DNAH1: variants seen among roughly 807,000 people sequenced by gnomAD.
DNAH1 encodes the protein axonemal beta dynein heavy chain 1.
A neutral mutation model predicts 484.3 loss-of-function variants in DNAH1; 327 were observed. The observed-to-expected ratio is 0.68, with a 90% CI of 0.62 to 0.74. The LOEUF (loss-of-function observed/expected upper bound fraction) is 0.74, where lower values mean the gene tolerates loss of function less well. Among genes scored for constraint, DNAH1 ranks in the 30% least tolerant of loss-of-function variants. The pLI is 0.00. For missense variants in DNAH1, 5,052 were observed against 5,546.8 expected (o/e 0.91, Z 2.83); for synonymous variants, 2,192 against 2,191.9 (o/e 1.00, Z 0.00).
chr3:52,329,540 C>A (rs934944590), intron 6 of DNAH1, among the ~76,000 whole-genome samples: 7 of 152,010 alleles, frequency 4.6e-5, no homozygotes, highest in African/African-American at 9.7e-5. Context: ...ACAAAAAAAA[C>A]CAGGGGGCCA....
chr3:52,360,138 A>G, intron 27 of DNAH1, 59 bp downstream of exon 27: 2 of 1,608,516 alleles, frequency 1.2e-6, no homozygotes, highest in Non-Finnish European at 1.7e-6. Flanking sequence ...GGCAGGGGAA[A>G]AGAGAAAAGT....
Position 52,380,581 on chromosome 3 carries a change from G to A in DNAH1, c.7608+446G>A, listed in dbSNP as rs140271499. ...CAGGGTCACAGGGTCAGCACACCCT[G>A]GTAAGCCCCAGAAGGAGCAGGCAGG... On this transcript the variant is annotated intron_variant, in intron 48 of 77. Transcript: ENST00000420323. Among the ~76,000 whole-genome samples, 349 of 152,322 alleles carry A rather than the reference G, an allele frequency of 2.3e-3. 1 individual carries two copies. The highest frequency in any genetic ancestry group is 7.4e-3 in the African/African-American group (307 of 41,562).
At chr3:52,349,514 C>A in intron 14 of DNAH1, 94 bp downstream of exon 14, 1 of 1,249,728 alleles carries the variant, frequency 8.0e-7, no homozygotes, top group Non-Finnish European at 1.1e-6. Context: ...TGTCCCCAAG[C>A]AGGGTCTGGG....
upstream of DNAH1, among the ~76,000 whole-genome samples, chr3:52,311,659 C>T (rs1700761863): frequency 6.6e-6 from 1 of 152,216 alleles, no homozygotes; most frequent in African/African-American, 2.4e-5. Flanking sequence ...GCCCCCTTCC[C>T]TCCACCCAGC....
intron 14 of DNAH1, 78 bp downstream of exon 14, chr3:52,349,498 G>A (rs565313904): frequency 2.9e-6 from 4 of 1,368,466 alleles, no homozygotes; most frequent in Non-Finnish European, 4.1e-6. Flanking sequence ...CACATACATG[G>A]CAAGATGTCC....
intron 7 of DNAH1, 109 bp from the exon 8 acceptor site, chr3:52,332,033 C>T (rs1578084791): frequency 7.2e-7 from 1 of 1,384,736 alleles, no homozygotes; most frequent in East Asian, 2.5e-5. Context: ...AAGAGGGAAA[C>T]AATTTGTTCA....
At chr3:52,369,403 G>A (rs141103882) in intron 37 of DNAH1, among the ~76,000 whole-genome samples, 18 of 152,128 alleles carry the variant, frequency 1.2e-4, no homozygotes, top group African/African-American at 3.9e-4. Context: ...GATATGGCCT[G>A]GGCACAAGAG....
At chr3:52,311,202 G>A in the DNAH1 span, among the ~76,000 whole-genome samples, 6 of 152,328 alleles carry the variant, frequency 3.9e-5, no homozygotes, top group East Asian at 1.2e-3. Flanking sequence ...AAACAACTGT[G>A]AGGCTCAGTT....
intron 25 of DNAH1, 103 bp from the exon 26 acceptor site, chr3:52,359,143 C>A: frequency 6.8e-7 from 1 of 1,480,892 alleles, no homozygotes; most frequent in Non-Finnish European, 9.0e-7. Flanking sequence ...ACAACTGGAG[C>A]CAAGTCTGAA....
chr3:52,352,295 C>G (rs764153574), intron 17 of DNAH1, among the ~76,000 whole-genome samples, 192 bp downstream of exon 17: 1 of 152,152 alleles, frequency 6.6e-6, no homozygotes, highest in Non-Finnish European at 1.5e-5. Context: ...GCAGCAAGCT[C>G]CAGAAAGATT....
At chr3:52,371,865 C>T (rs1703353621) in intron 41 of DNAH1, 81 bp from the exon 42 acceptor site, 3 of 1,565,932 alleles carry the variant, frequency 1.9e-6, no homozygotes, top group East Asian at 4.5e-5. Context: ...CCTGGCCCTT[C>T]TGCACTTGGC....
chr3:52,360,819 T>C (rs1007697398), intron 28 of DNAH1, among the ~76,000 whole-genome samples: 1 of 152,200 alleles, frequency 6.6e-6, no homozygotes, highest in Non-Finnish European at 1.5e-5. Flanking sequence ...TGAGCCCTTT[T>C]CTAATAGTTC....
At position 52,372,087 on chromosome 3, in the gene DNAH1, G is replaced by A. The variant is rs753659345; in HGVS notation, c.6666+1G>A. The A allele has an allele frequency of 5.0e-6, 8 of 1,613,312 alleles. No individual in the cohort carries two copies. The highest frequency in any genetic ancestry group is 2.2e-5 in the East Asian group (1 of 44,888). The stretch of plus-strand genomic sequence containing the variant: ...CATGCTGCTCACCAACAAGAAGCCC[G>A]TGAGCACCCCCCCAGGCCCTGCCTC... On this transcript the variant is annotated splice_donor_variant, in intron 42 of 77. Coordinates refer to ENST00000420323, the MANE Select transcript of DNAH1 (RefSeq NM_015512.5). LOFTEE classifies it high-confidence loss of function.
At chr3:52,336,735 A>C (rs150400318) in intron 8 of DNAH1, among the ~76,000 whole-genome samples, 123 of 152,250 alleles carry the variant, frequency 8.1e-4, no homozygotes, top group African/African-American at 2.6e-3. Context: ...TGAAGATCAG[A>C]TGGCTGTAGG....
rs1014132453 is a variant in DNAH1 at position 52,391,326 on chromosome 3, C to G, written c.9889C>G (p.Gln3297Glu). The change falls in exon 62 of 78, where the codon CAG becomes GAG. Residue 3297 changes from glutamine to glutamate, a missense_variant and splice_region_variant. Around this residue, in one of 4 missense-constraint regions of DNAH1, gnomAD observed 2,929 missense variants for 3,409.4 expected, o/e 0.86. Transcript: ENST00000420323. The stretch of plus-strand genomic sequence containing the variant: ...AGCCCTGGAGCCAGTGCTGCTCAAG[C>G]AGGTGGGTCTGCAGTGGTGATGGCA... ...DPALEPVLLK[Q>E]TYKQQGNTVL... 8.1e-6 allele frequency: 13 copies of G among 1,607,746 alleles called. No homozygotes were observed. Among genetic ancestry groups the G allele is most frequent in the Non-Finnish European group, 1.1e-5 (13 of 1,177,060 alleles).
chr3:52,349,014 C>T lies in DNAH1; in HGVS notation c.2233C>T (p.Gln745Ter). The part of the protein sequence containing the change: ...SAVSKAMIPL[Q>*]AYAKEYRKYL... ...CGTGTCCAAGGCCATGATCCCACTG[C>T]AGGCCTACGCCAAGGAGTACCGAAA... The change falls in exon 13 of 78, where the codon CAG (glutamine) becomes TAG (stop). Residue 745 changes from glutamine (Q) to a stop codon, truncating the protein, a stop_gained. Coordinates refer to ENST00000420323, the MANE Select transcript of DNAH1 (RefSeq NM_015512.5). LOFTEE classifies it high-confidence loss of function. 1.2e-6 allele frequency: 2 copies of T among 1,613,246 alleles called. No individual in the cohort carries two copies. Among genetic ancestry groups the T allele is most frequent in the Non-Finnish European group, 1.7e-6 (2 of 1,179,904 alleles).
At position 52,364,621 on chromosome 3, in the gene DNAH1, C is replaced by T. The variant is rs1702992664; in HGVS notation, c.5245-17C>T. The T allele has an allele frequency of 6.2e-7, 1 of 1,613,850 alleles. No homozygotes were observed. Among genetic ancestry groups the T allele is most frequent in the African/African-American group, 1.3e-5 (1 of 75,048 alleles). Reference sequence around the variant, plus strand: ...GAGGGACAGTGCTCACCCATGCCTCCTTCTGTATGGCGACAGGATCACTAT... The same window carrying T: ...GAGGGACAGTGCTCACCCATGCCTCTTTCTGTATGGCGACAGGATCACTAT... On this transcript the variant is annotated splice_polypyrimidine_tract_variant and intron_variant, in intron 32 of 77. Coordinates refer to ENST00000420323, the MANE Select transcript of DNAH1 (RefSeq NM_015512.5). This position sits in a 1 kb window ranked among gnomAD's most constrained non-coding sequence, Gnocchi z 4.2.
intron 41 of DNAH1, 59 bp from the exon 42 acceptor site, chr3:52,371,887 A>G (rs1703354909): frequency 6.3e-7 from 1 of 1,590,484 alleles, no homozygotes; most frequent in Admixed American, 1.7e-5. Context: ...ATGGGGCCGC[A>G]GCCAGGAGTG....
At chr3:52,386,029 A>C in intron 54 of DNAH1, 131 bp from the exon 55 acceptor site, 1 of 1,066,802 alleles carries the variant, frequency 9.4e-7, no homozygotes, top group Non-Finnish European at 1.3e-6. Context: ...TGGTATTCCC[A>C]GACCTCTCTG....
Sources: allele counts gnomAD v4.1 joint callset (sites outside exome capture counted in the v4.1 genomes callset), GRCh38; gene constraint gnomAD v4.1.1; regional missense constraint gnomAD v4.1.1; non-coding constraint Gnocchi (gnomAD v3.1); transcripts MANE v1.5; gene names NCBI Gene and HGNC (gene_info 2026-07-23, HGNC 2026-07-21).